GRM1: variants seen among roughly 807,000 people sequenced by gnomAD.
GRM1 encodes the protein glutamate metabotropic receptor 1.
Under a neutral mutation model 90.9 loss-of-function variants are expected in GRM1, and 33 were observed. The ratio of observed to expected loss-of-function variants is 0.36; its 90% CI spans 0.28 to 0.49. The LOEUF is 0.49. Ranked by LOEUF, GRM1 falls within the 20% of genes least tolerant of loss-of-function variation. GRM1 has a pLI of 0.99. For synonymous variants in GRM1, 700 were observed against 613.2 expected (o/e 1.14, Z -2.09); for missense variants, 1,190 against 1,534.3 (o/e 0.78, Z 3.75).
chr6:146,216,334 T>A (rs1234807474), intron 2 of GRM1, among the ~76,000 whole-genome samples: 1 of 152,136 alleles, frequency 6.6e-6, no homozygotes, highest in Admixed American at 6.6e-5. Context: ...ATTTAAACAA[T>A]ATAGTTTAAA....
chr6:146,421,568 G>A (rs551242559), intron 7 of GRM1, among the ~76,000 whole-genome samples: 1 of 152,070 alleles, frequency 6.6e-6, no homozygotes, highest in African/African-American at 2.4e-5. Context: ...TATACAGAGG[G>A]CTTCAAACAT....
intron 2 of GRM1, among the ~76,000 whole-genome samples, chr6:146,227,941 A>G (rs1350970461): frequency 1.3e-5 from 2 of 152,194 alleles, no homozygotes; most frequent in South Asian, 2.1e-4. Context: ...TTAGATTTCT[A>G]TAATCTGCAC....
intron 2 of GRM1, among the ~76,000 whole-genome samples, chr6:146,245,626 A>G (rs1781031354): frequency 6.6e-6 from 1 of 152,148 alleles, no homozygotes; most frequent in Non-Finnish European, 1.5e-5. Flanking sequence ...CCATTTTCCC[A>G]CCACAAACAT....
chr6:146,279,678 T>C (rs1394651970), intron 2 of GRM1, among the ~76,000 whole-genome samples: 1 of 152,198 alleles, frequency 6.6e-6, no homozygotes, highest in East Asian at 1.9e-4. Flanking sequence ...ACATTATTTG[T>C]ATCACTTAAT....
chr6:146,333,247 T>C (rs1784647300), intron 3 of GRM1, among the ~76,000 whole-genome samples: 1 of 152,138 alleles, frequency 6.6e-6, no homozygotes, highest in African/African-American at 2.4e-5. Context: ...ATTACTGACA[T>C]GGGTACTCTG....
Position 146,267,680 on chromosome 6 carries a change from G to GGGCTCGGCTC in GRM1, c.951-36914_951-36905dup, listed in dbSNP as rs752293971. Among the ~76,000 whole-genome samples, 776 of 91,018 alleles carry GGGCTCGGCTC rather than the reference G, an allele frequency of 8.5e-3. 17 individuals carry two copies. The highest frequency in any genetic ancestry group is 0.011 in the Non-Finnish European group (550 of 52,146). 59.7% of individuals were successfully genotyped at this position (91,018 alleles called of 152,430 possible). Reference sequence around the variant, plus strand: ...GGGCTGGGCTGGGCTGGGCTGGGCTGGGCTCGGCTCGGCTCGGCTCGGCTC... The same window carrying GGGCTCGGCTC: ...GGGCTGGGCTGGGCTGGGCTGGGCTGGGCTCGGCTCGGCTCGGCTCGGCTCGGCTCGGCTC... On this transcript the variant is annotated intron_variant, in intron 2 of 7. Coordinates refer to ENST00000282753, the MANE Select transcript of GRM1 (RefSeq NM_001278064.2).
Position 146,398,749 on chromosome 6 carries a change from A to T in GRM1, c.1730-20A>T. The T allele has an allele frequency of 6.4e-7, 1 of 1,561,062 alleles. No individual in the cohort carries two copies. Among genetic ancestry groups the T allele is most frequent in the South Asian group, 1.1e-5 (1 of 90,086 alleles). ...AGCAGAAACCTTGGATTCATGCTCA[A>T]ATGATTTTTCTCATCACAGGCTGTG... On this transcript the variant is annotated intron_variant, in intron 6 of 7. Coordinates refer to ENST00000282753, the MANE Select transcript of GRM1 (RefSeq NM_001278064.2).
At position 146,029,831 on chromosome 6, in the gene GRM1, TC is replaced by T; in HGVS notation, c.316del (p.Arg106GlyfsTer22). ...CCCAACATCACCCTGGGCAGTGAGA[TC>T]CGGGACTCCTGCTGGCACTCTTCCG... ...LLPNITLGSE[I>X]RDSCWHSSVA... is the part of the protein sequence containing the mutation. On this transcript the variant is annotated frameshift_variant, in exon 1 of 8. Coordinates refer to ENST00000282753, the MANE Select transcript of GRM1 (RefSeq NM_001278064.2). LOFTEE classifies it high-confidence loss of function. 1 of 1,614,068 alleles carries T rather than the reference TC, an allele frequency of 6.2e-7. No individual in the cohort carries two copies. The highest frequency in any genetic ancestry group is 8.5e-7 in the Non-Finnish European group (1 of 1,180,002).
chr6:146,128,507 G>A (rs1776279188), intron 1 of GRM1, among the ~76,000 whole-genome samples: 1 of 152,130 alleles, frequency 6.6e-6, no homozygotes, highest in African/African-American at 2.4e-5. Context: ...AAGGTGTGGA[G>A]TTGAGATTTG....
chr6:146,387,402 A>G (rs985790636), intron 6 of GRM1, among the ~76,000 whole-genome samples: 2 of 152,048 alleles, frequency 1.3e-5, no homozygotes, highest in African/African-American at 4.8e-5. Flanking sequence ...CCCAGCTTTT[A>G]TTTTGTATAA....
At position 146,109,523 on chromosome 6, in the gene GRM1, G is replaced by C. The variant is rs146606996; in HGVS notation, c.701-49825G>C. Among the ~76,000 whole-genome samples, 730 of 152,314 alleles carry C rather than the reference G, an allele frequency of 4.8e-3. 8 individuals carry two copies. Among genetic ancestry groups the C allele is most frequent in the African/African-American group, 0.017 (698 of 41,578 alleles). Reference sequence around the variant, plus strand: ...CTGGATGAACAGGCAGAAGTTTGCTGTAGGGACAGGGTCCTCATGGAGAAC... The same window carrying C: ...CTGGATGAACAGGCAGAAGTTTGCTCTAGGGACAGGGTCCTCATGGAGAAC... On this transcript the variant is annotated intron_variant, in intron 1 of 7. Coordinates refer to ENST00000282753, the MANE Select transcript of GRM1 (RefSeq NM_001278064.2).
chr6:146,368,565 G>A (rs1480917215), intron 5 of GRM1, among the ~76,000 whole-genome samples: 12 of 151,872 alleles, frequency 7.9e-5, no homozygotes, highest in Admixed American at 2.0e-4. Context: ...CTAATTTGTC[G>A]AGAATTTTTA....
chr6:146,191,775 C>G (rs1778941671), intron 2 of GRM1, among the ~76,000 whole-genome samples: 1 of 151,846 alleles, frequency 6.6e-6, no homozygotes, highest in African/African-American at 2.4e-5. Context: ...TTTTCTGTTT[C>G]CTTTCTTTCA....
At chr6:146,341,606 C>T (rs184451747) in intron 3 of GRM1, among the ~76,000 whole-genome samples, 2 of 152,170 alleles carry the variant, frequency 1.3e-5, no homozygotes, top group East Asian at 1.9e-4. Context: ...AGACATCATC[C>T]GAAAAGGGAA....
intron 7 of GRM1, among the ~76,000 whole-genome samples, chr6:146,427,754 A>C (rs1778263041): frequency 6.6e-6 from 1 of 152,198 alleles, no homozygotes; most frequent in Non-Finnish European, 1.5e-5. Flanking sequence ...TCTAGGTCAG[A>C]GCCACTCTAC....
intron 2 of GRM1, among the ~76,000 whole-genome samples, chr6:146,254,630 C>T (rs1397522515): frequency 1.3e-5 from 2 of 152,086 alleles, no homozygotes; most frequent in African/African-American, 4.8e-5. Context: ...CTTATTCTTA[C>T]CATATATGTT....
intron 7 of GRM1, among the ~76,000 whole-genome samples, chr6:146,410,625 G>A (rs893438961): frequency 5.1e-4 from 77 of 152,182 alleles, no homozygotes; most frequent in African/African-American, 1.8e-3. Flanking sequence ...CTTGGAGGTA[G>A]GGAAGGTCTA....
chr6:146,136,387 A>G (rs896128824), intron 1 of GRM1, among the ~76,000 whole-genome samples: 1 of 152,210 alleles, frequency 6.6e-6, no homozygotes, highest in African/African-American at 2.4e-5. Context: ...ACTAATTTAC[A>G]TCCCTACCAA....
At chr6:146,149,937 T>C (rs1225440152) in intron 1 of GRM1, among the ~76,000 whole-genome samples, 3 of 152,108 alleles carry the variant, frequency 2.0e-5, no homozygotes, top group African/African-American at 7.2e-5. Flanking sequence ...AATTTCCTTA[T>C]ATGCCACCAC....
Sources: gnomAD v4.1 joint callset for allele counts (sites outside exome capture counted in the v4.1 genomes callset) on GRCh38, gnomAD v4.1.1 for gene constraint, MANE v1.5 for transcripts, NCBI Gene and HGNC (gene_info 2026-07-23, HGNC 2026-07-21) for gene names.